DLG2: variants seen among roughly 807,000 people sequenced by gnomAD.
The protein encoded by DLG2 is disks large homolog 2.
DLG2 carries 45 observed loss-of-function variants against 132.5 expected under a neutral mutation model. The ratio of observed to expected loss-of-function variants is 0.34; its 90% CI spans 0.27 to 0.44. The LOEUF is 0.44. Ranked by LOEUF, DLG2 falls within the 20% of genes least tolerant of loss-of-function variation. The pLI is 1.00. For synonymous variants in DLG2, 424 were observed against 419.6 expected (o/e 1.01, Z -0.13); for missense variants, 1,045 against 1,196.9 (o/e 0.87, Z 1.87).
intron 7 of DLG2, among the ~76,000 whole-genome samples, chr11:84,413,806 C>A (rs1381112303): frequency 2.0e-5 from 3 of 152,160 alleles, no homozygotes; most frequent in African/African-American, 7.2e-5. Context: ...CCATCCTTCT[C>A]CCTGACAGAT....
At chr11:84,914,997 A>C (rs1441056709) in intron 6 of DLG2, among the ~76,000 whole-genome samples, 1 of 152,212 alleles carries the variant, frequency 6.6e-6, no homozygotes, top group Non-Finnish European at 1.5e-5. Context: ...GCACCGATCT[A>C]TGAATTCCCA....
In DLG2 at chr11:83,930,389, G is replaced by A. The variant is rs374587627; in HGVS notation, c.1435C>T (p.Leu479Phe). 1.7e-5 allele frequency: 27 copies of A among 1,613,990 alleles called. No individual in the cohort carries two copies. In the African/African-American group the frequency reaches 3.5e-4, roughly 21 times the overall value. Residue 479 changes from leucine (L) to phenylalanine (F), a missense_variant, in exon 15 of 28, where the codon CTC (leucine) becomes TTC (phenylalanine). Coordinates refer to ENST00000376104, the MANE Select transcript of DLG2 (RefSeq NM_001142699.3). ...TAGTGGGAATAGGGAGCTGAGAGGA[G>A]GAAGCTTTTGTCACACTCAACAGGG... is the stretch of plus-strand genomic sequence containing the variant. ...YSPVECDKSF[L>F]LSAPYSHYHL...
At chr11:84,483,893 G>A (rs2099144400) in intron 7 of DLG2, among the ~76,000 whole-genome samples, 1 of 152,188 alleles carries the variant, frequency 6.6e-6, no homozygotes, top group African/African-American at 2.4e-5. Context: ...ACTCTTGCCA[G>A]AGGCAAGGAG....
intron 12 of DLG2, among the ~76,000 whole-genome samples, chr11:83,977,805 C>T (rs2092406960): frequency 6.6e-6 from 1 of 152,046 alleles, no homozygotes; most frequent in African/African-American, 2.4e-5. Flanking sequence ...TTCTAGAATC[C>T]TGGGATTATC....
chr11:83,833,894 GA>G (rs2055316944), intron 16 of DLG2, 124 bp from the exon 17 acceptor site: 2 of 1,016,356 alleles, frequency 2.0e-6, no homozygotes, highest in Non-Finnish European at 2.8e-6. Flanking sequence ...CTCAAACTAA[GA>G]TAACATTTGC....
chr11:85,275,371 G>T (rs1281330688), intron 4 of DLG2, among the ~76,000 whole-genome samples: 1 of 152,034 alleles, frequency 6.6e-6, no homozygotes, highest in Non-Finnish European at 1.5e-5. Flanking sequence ...TCTCTTAAAT[G>T]ACAAAGGATT....
At chr11:85,399,883 T>C (rs1385493738) in intron 3 of DLG2, among the ~76,000 whole-genome samples, 8 of 152,144 alleles carry the variant, frequency 5.3e-5, no homozygotes, top group African/African-American at 1.4e-4. Context: ...AAGGACTTCA[T>C]GTCTAAAACA....
chr11:84,236,259 T>C (rs1055416479), intron 8 of DLG2, among the ~76,000 whole-genome samples: 1 of 152,238 alleles, frequency 6.6e-6, no homozygotes, highest in African/African-American at 2.4e-5. Flanking sequence ...AAATAAACTT[T>C]TGGCCATTGT....
chr11:84,544,562 T>C (rs1417284937), intron 6 of DLG2, among the ~76,000 whole-genome samples: 1 of 152,112 alleles, frequency 6.6e-6, no homozygotes, highest in Admixed American at 6.5e-5. Flanking sequence ...CCTCACATAG[T>C]GGAAAGTGCA....
At chr11:84,679,225 A>G (rs946231467) in intron 6 of DLG2, among the ~76,000 whole-genome samples, 2 of 152,104 alleles carry the variant, frequency 1.3e-5, no homozygotes, top group Non-Finnish European at 2.9e-5. Context: ...TGGAGAAAAT[A>G]TAATAATAGA....
At chr11:83,569,955 T>G (rs1472688680) in intron 19 of DLG2, among the ~76,000 whole-genome samples, 3 of 152,084 alleles carry the variant, frequency 2.0e-5, no homozygotes, top group Non-Finnish European at 4.4e-5. Flanking sequence ...TGAATGAGAG[T>G]CAGACTTTCC....
intron 6 of DLG2, among the ~76,000 whole-genome samples, chr11:85,037,333 G>A (rs1276718467): frequency 1.3e-5 from 2 of 152,022 alleles, no homozygotes; most frequent in Non-Finnish European, 2.9e-5. Context: ...TTGGCTACCA[G>A]CAAAACTTCA....
chr11:84,180,048 T>A (rs2096074812), intron 8 of DLG2, among the ~76,000 whole-genome samples: 1 of 152,076 alleles, frequency 6.6e-6, no homozygotes. Flanking sequence ...AAGAATACAG[T>A]ATGAGGAGAC....
At chr11:85,051,678 A>G (rs1348668304) in intron 6 of DLG2, among the ~76,000 whole-genome samples, 1 of 152,196 alleles carries the variant, frequency 6.6e-6, no homozygotes, top group Non-Finnish European at 1.5e-5. Context: ...CTAAGAAATT[A>G]GACCTTAATC....
At chr11:83,556,137 G>C (rs867265846) in intron 19 of DLG2, among the ~76,000 whole-genome samples, 1 of 152,090 alleles carries the variant, frequency 6.6e-6, no homozygotes, top group Non-Finnish European at 1.5e-5. Context: ...CTGCTCAGAG[G>C]CTGTTTATAT....
chr11:85,009,172 C>A lies in DLG2; in HGVS notation c.357+102489G>T, dbSNP rs1402405324. On this transcript the variant is annotated intron_variant, in intron 6 of 27. Coordinates refer to ENST00000376104, the MANE Select transcript of DLG2 (RefSeq NM_001142699.3). ...GTAAGAAAGGAATGATTGAAACCAA[C>A]CTTTTGCCTTAAGAATGCTTGTATA... Among the ~76,000 whole-genome samples the A allele has an allele frequency of 2.0e-5, 3 of 152,030 alleles. No homozygotes were observed. The East Asian group carries it at 5.8e-4, about 29-fold the overall frequency.
At chr11:83,948,600 C>T (rs2084655496) in intron 14 of DLG2, among the ~76,000 whole-genome samples, 1 of 109,392 alleles carries the variant, frequency 9.1e-6, no homozygotes, top group African/African-American at 3.8e-5. Context: ...AATAATGCTA[C>T]CTATGTAGTA....
At chr11:85,488,213 A>G (rs936669929) in intron 3 of DLG2, among the ~76,000 whole-genome samples, 3 of 152,016 alleles carry the variant, frequency 2.0e-5, no homozygotes, top group Non-Finnish European at 4.4e-5. Flanking sequence ...ATGTGGTGAA[A>G]CCCCATCTCT....
chr11:83,737,525 A>C (rs1485305082), intron 18 of DLG2, among the ~76,000 whole-genome samples: 7 of 152,250 alleles, frequency 4.6e-5, no homozygotes. Flanking sequence ...TACTTAAAAC[A>C]CATCTCAAAT....
Sources: gnomAD v4.1 joint callset for allele counts (sites outside exome capture counted in the v4.1 genomes callset) on GRCh38, gnomAD v4.1.1 for gene constraint, MANE v1.5 for transcripts, NCBI Gene and HGNC (gene_info 2026-07-23, HGNC 2026-07-21) for gene names.